The following LRRFIP1 variants were observed in gnomAD, a reference collection of about 807,000 sequenced individuals.
LRRFIP1 encodes leucine-rich repeat flightless-interacting protein 1.
In LRRFIP1, 62 loss-of-function variants were observed where a neutral mutation model predicts 104.4. The observed-to-expected ratio is 0.59, with a 90% CI of 0.48 to 0.73. The LOEUF (loss-of-function observed/expected upper bound fraction) is 0.73. LRRFIP1 is among the 30% of genes least tolerant of loss of function. The pLI, the probability that LRRFIP1 is intolerant of heterozygous loss-of-function variation, is 0.00. For synonymous variants in LRRFIP1, 300 were observed against 299.0 expected, an observed-to-expected ratio of 1.00 and a Z score of -0.03; for missense variants, 796 against 824.5, an observed-to-expected ratio of 0.97 and a Z score of 0.42.
intron 1 of LRRFIP1, among the ~76,000 whole-genome samples, chr2:237,707,585 G>A (rs1308162530): frequency 1.3e-5 from 2 of 152,162 alleles, no homozygotes; most frequent in Non-Finnish European, 2.9e-5. Context: ...GAAAGAGGGT[G>A]GGGTTTGTTT....
At chr2:237,655,387 G>T (rs2086647946) in intron 1 of LRRFIP1, among the ~76,000 whole-genome samples, 1 of 151,884 alleles carries the variant, frequency 6.6e-6, no homozygotes, top group Non-Finnish European at 1.5e-5. Flanking sequence ...TGGGATTACA[G>T]ACATGAGCCA....
At chr2:237,650,307 T>G (rs1374655790) in intron 1 of LRRFIP1, among the ~76,000 whole-genome samples, 1 of 151,258 alleles carries the variant, frequency 6.6e-6, no homozygotes, top group Admixed American at 6.6e-5. Context: ...AGCAGAGAGA[T>G]CCGAAGGAAG....
intron 1 of LRRFIP1, among the ~76,000 whole-genome samples, chr2:237,631,255 G>T (rs1430567488): frequency 6.6e-6 from 1 of 152,236 alleles, no homozygotes; most frequent in African/African-American, 2.4e-5. Flanking sequence ...GAGTCACCTG[G>T]CAGGGACGTG....
At chr2:237,700,958 A>G (rs951806331) in intron 1 of LRRFIP1, among the ~76,000 whole-genome samples, 1 of 152,130 alleles carries the variant, frequency 6.6e-6, no homozygotes, top group Admixed American at 6.5e-5. Flanking sequence ...TCTGTGTAGA[A>G]TTCTGGACCC....
At chr2:237,714,322 T>C (rs1413603956) in intron 3 of LRRFIP1, 46 bp downstream of exon 3, 1 of 1,532,654 alleles carries the variant, frequency 6.5e-7, no homozygotes, top group South Asian at 1.2e-5. Context: ...TACTGTTTTT[T>C]CCTTGCCAAG....
At chr2:237,764,547 T>C in intron 19 of LRRFIP1, 1 of 1,029,142 alleles carries the variant, frequency 9.7e-7, no homozygotes, top group Non-Finnish European at 1.2e-6. Flanking sequence ...ATTATGAATA[T>C]AATTGATATT....
rs2095196401 is a variant in LRRFIP1, at chr2:237,735,212, T to C, written c.490-56T>C. ...CACAGCTCACGTTTTCAGCACTTTC[T>C]GGGCACTCTTGGAGAAAGGAAGAGC... On this transcript the variant is annotated intron_variant, in intron 9 of 23. Transcript: ENST00000308482. The surrounding 1 kb of genome is among the most constrained non-coding windows in gnomAD (Gnocchi z 4.6). 2.0e-6 allele frequency: 3 copies of C among 1,473,988 alleles called. No individual in the cohort carries two copies. Among genetic ancestry groups the C allele is most frequent in the South Asian group, 1.2e-5 (1 of 84,614 alleles). 91.3% of individuals were successfully genotyped at this position (1,473,988 alleles called of 1,614,324 possible). A position where few individuals can be genotyped will look rare whatever the true frequency, so the allele number is the denominator to read the frequency against.
intron 1 of LRRFIP1, among the ~76,000 whole-genome samples, chr2:237,683,972 C>A (rs1471518210): frequency 6.6e-6 from 1 of 152,074 alleles, no homozygotes; most frequent in East Asian, 1.9e-4. Flanking sequence ...TTGTGAATGA[C>A]ATTTATCAAT....
intron 1 of LRRFIP1, among the ~76,000 whole-genome samples, chr2:237,648,111 C>T (rs1319847102): frequency 6.6e-6 from 1 of 151,932 alleles, no homozygotes; most frequent in South Asian, 2.1e-4. Context: ...GCTTGCTTTA[C>T]TTGGATTCTG....
chr2:237,748,018 C>T (rs1212057447), intron 11 of LRRFIP1, among the ~76,000 whole-genome samples: 1 of 152,184 alleles, frequency 6.6e-6, no homozygotes, highest in East Asian at 1.9e-4. Context: ...GCCTCTTGTC[C>T]CGAGACACCC....
chr2:237,634,898 C>A (rs1397966562), intron 1 of LRRFIP1, among the ~76,000 whole-genome samples: 1 of 152,304 alleles, frequency 6.6e-6, no homozygotes, highest in East Asian at 1.9e-4. Context: ...TCTATCAATT[C>A]CATTTTATTC....
chr2:237,733,131 GCA>G (rs2095085985), intron 8 of LRRFIP1, among the ~76,000 whole-genome samples: 1 of 152,156 alleles, frequency 6.6e-6, no homozygotes, highest in African/African-American at 2.4e-5. Context: ...CTGTCCCGTG[GCA>G]CAGTCTCTGG....
chr2:237,649,014 G>T lies in LRRFIP1; in HGVS notation c.96+21274G>T, dbSNP rs998390794. Among the ~76,000 whole-genome samples the T allele has an allele frequency of 3.0e-4, 45 of 151,944 alleles. No homozygotes were observed. The highest frequency in any genetic ancestry group is 6.5e-5 in the Admixed American group (1 of 15,270). On this transcript the variant is annotated intron_variant, in intron 1 of 23. Transcript: ENST00000308482. This position sits in a 1 kb window ranked among gnomAD's most constrained non-coding sequence, Gnocchi z 4.1. Reference sequence around the variant, plus strand: ...TTCCAGAAACAGGCATGGCTGGTGTGAGAGGAGGCGTCCTTGTCACCATCC... The same window carrying T: ...TTCCAGAAACAGGCATGGCTGGTGTTAGAGGAGGCGTCCTTGTCACCATCC...
intron 19 of LRRFIP1, chr2:237,763,378 T>C: frequency 6.2e-7 from 1 of 1,612,608 alleles, no homozygotes; most frequent in South Asian, 1.1e-5. Flanking sequence ...AAGAAAAGAG[T>C]GACCAACAGG....
intron 2 of LRRFIP1, among the ~76,000 whole-genome samples, chr2:237,713,270 C>T (rs1413162703): frequency 6.6e-6 from 1 of 152,310 alleles, no homozygotes. Context: ...CTTTTCAGCA[C>T]ACAGACGGCG....
chr2:237,633,968 G>A (rs1052719059), intron 1 of LRRFIP1, among the ~76,000 whole-genome samples: 6 of 152,232 alleles, frequency 3.9e-5, no homozygotes, highest in Admixed American at 2.0e-4. Context: ...CTGCCTTACT[G>A]TATCTCTCAT....
intron 2 of LRRFIP1, among the ~76,000 whole-genome samples, chr2:237,712,689 C>T (rs1170369802): frequency 6.6e-6 from 1 of 152,128 alleles, no homozygotes; most frequent in Non-Finnish European, 1.5e-5. Context: ...ACGTGAGCAT[C>T]TGTGTATGCA....
chr2:237,706,826 C>T (rs952035284), intron 1 of LRRFIP1, among the ~76,000 whole-genome samples: 1 of 152,136 alleles, frequency 6.6e-6, no homozygotes, highest in African/African-American at 2.4e-5. Context: ...CAGGGTTTTA[C>T]CATGTTACCC....
At chr2:237,706,410 A>G (rs1199113169) in intron 1 of LRRFIP1, among the ~76,000 whole-genome samples, 6 of 149,912 alleles carry the variant, frequency 4.0e-5, no homozygotes, top group East Asian at 2.0e-4. Context: ...CTGCCCCCCA[A>G]CCCCCAAGCT....
Sources: gnomAD v4.1 joint callset for allele counts (sites outside exome capture counted in the v4.1 genomes callset) on GRCh38, gnomAD v4.1.1 for gene constraint, Gnocchi (gnomAD v3.1) non-coding constraint, MANE v1.5 for transcripts, NCBI Gene and HGNC (gene_info 2026-07-23, HGNC 2026-07-21) for gene names.